ANKFN1: variants seen among roughly 807,000 people sequenced by gnomAD.
The protein encoded by ANKFN1 is ankyrin repeat and fibronectin type-III domain-containing protein 1.
A neutral mutation model predicts 108.7 loss-of-function variants in ANKFN1; 74 were observed. The observed-to-expected ratio is 0.68, with a 90% CI of 0.56 to 0.83. The LOEUF (loss-of-function observed/expected upper bound fraction) is 0.83, where lower values mean the gene tolerates loss of function less well. Ranked by LOEUF, ANKFN1 falls within the 40% of genes least tolerant of loss-of-function variation. The pLI is 0.00. For synonymous variants in ANKFN1, 547 were observed against 516.2 expected, an observed-to-expected ratio of 1.06 and a Z score of -0.81; for missense variants, 1,505 against 1,382.3, an observed-to-expected ratio of 1.09 and a Z score of -1.41.
intron 4 of ANKFN1, among the ~76,000 whole-genome samples, chr17:56,063,390 T>A (rs1905009787): frequency 6.6e-6 from 1 of 152,044 alleles, no homozygotes; most frequent in African/African-American, 2.4e-5. Flanking sequence ...CTCCAATCAA[T>A]CATAGGTTTG....
At chr17:56,285,103 C>T (rs1323301730) in intron 3 of ANKFN1, among the ~76,000 whole-genome samples, 1 of 152,174 alleles carries the variant, frequency 6.6e-6, no homozygotes, top group African/African-American at 2.4e-5. Flanking sequence ...GAGAAATCTA[C>T]AACTACAATG....
At chr17:56,413,282 A>T (rs1567982344) in intron 8 of ANKFN1, among the ~76,000 whole-genome samples, 3 of 152,174 alleles carry the variant, frequency 2.0e-5, no homozygotes, top group African/African-American at 4.8e-5. Flanking sequence ...TTGTATCCTG[A>T]GACTTTGCTG....
chr17:56,409,145 G>A (rs1041936304), intron 8 of ANKFN1, among the ~76,000 whole-genome samples: 31 of 151,960 alleles, frequency 2.0e-4, no homozygotes, highest in Admixed American at 5.9e-4. Flanking sequence ...GGCTGGTCTC[G>A]AACTCCTGAT....
At chr17:56,464,733 G>C (rs1395132071) in intron 14 of ANKFN1, among the ~76,000 whole-genome samples, 1 of 152,142 alleles carries the variant, frequency 6.6e-6, no homozygotes, top group African/African-American at 2.4e-5. Flanking sequence ...TTCATGAGTT[G>C]CTTGATTTAA....
chr17:56,150,894 T>A (rs1908563063), upstream of ANKFN1, among the ~76,000 whole-genome samples: 1 of 152,088 alleles, frequency 6.6e-6, no homozygotes, highest in Non-Finnish European at 1.5e-5. Context: ...AGAAAGAATG[T>A]GATGAAGTAA....
At chr17:56,455,064 T>C (rs1318317120) in intron 11 of ANKFN1, among the ~76,000 whole-genome samples, 1 of 152,160 alleles carries the variant, frequency 6.6e-6, no homozygotes, top group Non-Finnish European at 1.5e-5. Context: ...CTTCCAGCAG[T>C]CCATGGAGAC....
chr17:56,353,048 C>A (rs981911908), intron 5 of ANKFN1, among the ~76,000 whole-genome samples: 2 of 152,104 alleles, frequency 1.3e-5, no homozygotes, highest in African/African-American at 4.8e-5. Flanking sequence ...CCTATGCCAG[C>A]ATTTCTCAAA....
intron 1 of ANKFN1, among the ~76,000 whole-genome samples, chr17:56,168,296 T>C (rs1267324517): frequency 6.7e-6 from 1 of 150,362 alleles, no homozygotes; most frequent in Non-Finnish European, 1.5e-5. Flanking sequence ...TAATAATGAC[T>C]AGTGTGACTA....
intron 14 of ANKFN1, among the ~76,000 whole-genome samples, chr17:56,459,173 T>C (rs1360448226): frequency 6.6e-6 from 1 of 152,118 alleles, no homozygotes; most frequent in Non-Finnish European, 1.5e-5. Flanking sequence ...TTCAGTGCCG[T>C]GATCTTGGCT....
At chr17:56,403,680 A>G (rs1043696743) in intron 8 of ANKFN1, among the ~76,000 whole-genome samples, 4 of 152,132 alleles carry the variant, frequency 2.6e-5, no homozygotes, top group Non-Finnish European at 5.9e-5. Context: ...GTACTGTTGC[A>G]TTCATCATGC....
In ANKFN1 at chr17:56,328,627, G is replaced by A. The variant is rs376589524; in HGVS notation, c.188+2272G>A. Among the ~76,000 whole-genome samples the A allele has an allele frequency of 1.1e-3, 165 of 152,112 alleles. 9 individuals are homozygous for A. In the Middle Eastern group the frequency reaches 0.014, roughly 13 times the overall value. ...CACTCTTCATCAGAAAAATAAGTAC[G>A]CTTAGGGCAAGTTATTTCCTTCTTT... On this transcript the variant is annotated intron_variant, in intron 4 of 20. Coordinates refer to ENST00000682825, the MANE Select transcript of ANKFN1 (RefSeq NM_001370326.1).
Position 56,324,103 on chromosome 17 carries a change from A to G in ANKFN1, c.54-2118A>G, listed in dbSNP as rs114335432. ...TTTGATGATCTGGTATTCAGAAAGAATATAGCATGTCCAAGGAACTAAGAG... is the reference window on the plus strand; with the variant it reads ...TTTGATGATCTGGTATTCAGAAAGAGTATAGCATGTCCAAGGAACTAAGAG... On this transcript the variant is annotated intron_variant, in intron 3 of 20. Coordinates refer to ENST00000682825, the MANE Select transcript of ANKFN1 (RefSeq NM_001370326.1). 5.5e-3 allele frequency among the ~76,000 whole-genome samples: 831 copies of G among 152,334 alleles called. 11 individuals are homozygous for G. Among genetic ancestry groups the G allele is most frequent in the African/African-American group, 0.019 (796 of 41,564 alleles).
intron 1 of ANKFN1, chr17:56,206,646 G>T (rs1035753064): frequency 1.6e-4 from 25 of 152,220 alleles, no homozygotes; most frequent in Non-Finnish European, 1.5e-5. Flanking sequence ...TCGTAAGAAT[G>T]CTGGTCTAGC....
intron 4 of ANKFN1, among the ~76,000 whole-genome samples, chr17:56,074,172 G>T (rs1422610932): frequency 6.6e-6 from 1 of 152,122 alleles, no homozygotes; most frequent in Non-Finnish European, 1.5e-5. Flanking sequence ...TTCCTCTCTG[G>T]ATAAAATATG....
intron 1 of ANKFN1, among the ~76,000 whole-genome samples, chr17:56,160,491 A>C (rs999876013): frequency 2.0e-5 from 3 of 151,870 alleles, no homozygotes; most frequent in Non-Finnish European, 4.4e-5. Flanking sequence ...TGGAAACTTT[A>C]GGAGAGCTTG....
rs151008054 is a variant in ANKFN1 at position 56,139,861 on chromosome 17, C to T, written c.289-88056C>T. ...AGTGTTACACTATCTCGGTTTTATA[C>T]GTTTCTTCATATCCTTTTCTCTGTT... is the stretch of plus-strand genomic sequence containing the variant. On this transcript the variant is annotated intron_variant, in intron 4 of 12. Transcript: ENST00000635860. 6.0e-4 allele frequency among the ~76,000 whole-genome samples: 92 copies of T among 152,258 alleles called. 1 individual carries two copies. The highest frequency in any genetic ancestry group is 3.4e-3 in the Middle Eastern group (1 of 294).
intron 4 of ANKFN1, among the ~76,000 whole-genome samples, chr17:56,111,436 A>T (rs1420726951): frequency 6.6e-6 from 1 of 151,798 alleles, no homozygotes; most frequent in Non-Finnish European, 1.5e-5. Context: ...TTGAAATATG[A>T]TCATACTGCT....
chr17:56,185,835 C>T (rs995672711), intron 1 of ANKFN1, among the ~76,000 whole-genome samples: 3 of 151,984 alleles, frequency 2.0e-5, no homozygotes, highest in Non-Finnish European at 4.4e-5. Context: ...GTAGTAAAAG[C>T]CCTAATAAAC....
At chr17:56,221,960 C>T (rs1299624644) in intron 2 of ANKFN1, among the ~76,000 whole-genome samples, 5 of 152,214 alleles carry the variant, frequency 3.3e-5, no homozygotes, top group African/African-American at 1.2e-4. Context: ...CCCATAGAGC[C>T]TACTGCCCTG....
Sources: allele counts gnomAD v4.1 joint callset (sites outside exome capture counted in the v4.1 genomes callset), GRCh38; gene constraint gnomAD v4.1.1; transcripts MANE v1.5; gene names NCBI Gene and HGNC (gene_info 2026-07-23, HGNC 2026-07-21).